NEURL4: variants seen among roughly 807,000 people sequenced by gnomAD.
NEURL4 encodes neuralized E3 ubiquitin protein ligase 4, also known as neuralized-like protein 4.
A neutral mutation model predicts 148.0 loss-of-function variants in NEURL4; 45 were observed. That is an observed-to-expected ratio of 0.30 (90% confidence interval 0.24 to 0.39). NEURL4 has a LOEUF of 0.39. NEURL4 is among the 10% of genes least tolerant of loss of function. NEURL4 has a pLI of 1.00. For missense variants in NEURL4, 1,776 were observed against 2,144.0 expected (o/e 0.83, Z 3.39); for synonymous variants, 854 against 869.0 (o/e 0.98, Z 0.30).
rs1047757971 is a variant in NEURL4 at position 7,319,309 on chromosome 17, TG to T, written c.3526-102del. ...ATACTGCACCTCCCAGAATGTGGCC[TG>T]GGATGCTGCCTTTTCTTATGCTTGG... On this transcript the variant is annotated intron_variant, in intron 21 of 28. Transcript: ENST00000399464. The T allele has an allele frequency of 9.6e-6, 9 of 936,286 alleles. No individual in the cohort carries two copies. The Admixed American group carries it at 1.5e-4, about 15-fold the overall frequency. 58.0% of individuals were successfully genotyped at this position (936,286 alleles called of 1,614,324 possible). A position where few individuals can be genotyped will look rare whatever the true frequency, so the allele number is the denominator to read the frequency against.
At chr17:7,325,550 C>T in intron 7 of NEURL4, 77 bp from the exon 8 acceptor site, 1 of 1,588,830 alleles carries the variant, frequency 6.3e-7, no homozygotes, top group South Asian at 1.1e-5. Flanking sequence ...GGAGGCCAAG[C>T]ACCAAAGAGA....
At position 7,317,634 on chromosome 17, in the gene NEURL4, T is replaced by C; in HGVS notation, c.4206-61A>G. 1.9e-6 allele frequency: 3 copies of C among 1,566,618 alleles called. No homozygotes were observed. The South Asian group carries it at 3.3e-5, about 17-fold the overall frequency. On this transcript the variant is annotated intron_variant, in intron 26 of 28. Coordinates refer to ENST00000399464, the MANE Select transcript of NEURL4 (RefSeq NM_032442.3). Reference sequence around the variant, plus strand: ...GCCACTGACTCCCCAGTGGAGGAGCTTCACGAGGCTCTTCCTTAGACAGGA... The same window carrying C: ...GCCACTGACTCCCCAGTGGAGGAGCCTCACGAGGCTCTTCCTTAGACAGGA...
In NEURL4 at chr17:7,322,663, A is replaced by C; in HGVS notation, c.2725+72T>G. On this transcript the variant is annotated intron_variant, in intron 16 of 28. Coordinates refer to ENST00000399464, the MANE Select transcript of NEURL4 (RefSeq NM_032442.3). This position sits in a 1 kb window ranked among gnomAD's most constrained non-coding sequence, Gnocchi z 5.5. ...CAACCGTCTTTGCAGAACCTCTCTA[A>C]CCTGGAAACCCTACTCCTCAGGTGC... 1 of 1,569,064 alleles carries C rather than the reference A, an allele frequency of 6.4e-7. No individual in the cohort carries two copies. The highest frequency in any genetic ancestry group is 8.6e-7 in the Non-Finnish European group (1 of 1,157,380).
Position 7,318,065 on chromosome 17 carries a change from C to G in NEURL4, c.4060G>C (p.Glu1354Gln). 1.9e-6 allele frequency: 3 copies of G among 1,614,088 alleles called. No individual in the cohort carries two copies. Among genetic ancestry groups the G allele is most frequent in the Non-Finnish European group, 1.7e-6 (2 of 1,179,948 alleles). Reference protein sequence around the residue: ...SRFQELLLLPEDYFMPPPKRS... With the variant: ...SRFQELLLLPQDYFMPPPKRS... ...AGTTCTGGCGGACTGTGGGACTCAC[C>G]GGGAAGCAGCAGGAGTTCTTGGAAG... The change falls in exon 25 of 29, where the codon GAA becomes CAA. Residue 1354 changes from glutamate to glutamine, a missense_variant and splice_region_variant. Transcript: ENST00000399464. This position sits in a 1 kb window ranked among gnomAD's most constrained non-coding sequence, Gnocchi z 4.3.
chr17:7,325,172 C>G, intron 8 of NEURL4, 37 bp downstream of exon 8: 1 of 700,382 alleles, frequency 1.4e-6, no homozygotes, highest in Non-Finnish European at 2.4e-6. Context: ...CCATTAGAAT[C>G]CCTTCTTCAG....
chr17:7,327,546 A>T lies in NEURL4; in HGVS notation c.621T>A (p.Pro207=). Reference sequence around the variant, plus strand: ...GAGTAGGGGGGCTGAAGCCTGGCTCAGGGGGTAGCACGGTGATCTGGGTGC... The same window carrying T: ...GAGTAGGGGGGCTGAAGCCTGGCTCTGGGGGTAGCACGGTGATCTGGGTGC... ...GKCTQITVLP[P]EPGFSPPTPI... Residue 207 remains proline, a synonymous_variant, in exon 2 of 29, where the codon CCT becomes CCA. Transcript: ENST00000399464. This position sits in a 1 kb window ranked among gnomAD's most constrained non-coding sequence, Gnocchi z 6.6. 2 of 1,609,852 alleles carry T rather than the reference A, an allele frequency of 1.2e-6. No homozygotes were observed. The highest frequency in any genetic ancestry group is 1.7e-6 in the Non-Finnish European group (2 of 1,178,620).
chr17:7,328,191 T>G (rs1245389689), intron 1 of NEURL4, among the ~76,000 whole-genome samples: 2 of 152,192 alleles, frequency 1.3e-5, no homozygotes, highest in African/African-American at 4.8e-5. Flanking sequence ...CAAATTCTCC[T>G]ACTTCCTATA....
In NEURL4 at chr17:7,325,575, G is replaced by T. The variant is rs28697947; in HGVS notation, c.1366+66C>A. 4.3e-3 allele frequency: 6,761 copies of T among 1,588,144 alleles called. 255 individuals are homozygous for T. The African/African-American group carries it at 0.08, about 19-fold the overall frequency. On this transcript the variant is annotated intron_variant, in intron 7 of 28. Coordinates refer to ENST00000399464, the MANE Select transcript of NEURL4 (RefSeq NM_032442.3). ...CACCAAAGAGAAGCAGGAGGATGAG[G>T]TACAGCCCCCAGTCCCAGCCCCACC...
Position 7,325,709 on chromosome 17 carries a change from C to G in NEURL4, c.1298G>C (p.Gly433Ala), listed in dbSNP as rs771981407. 1 of 1,613,266 alleles carries G rather than the reference C, an allele frequency of 6.2e-7. No homozygotes were observed. The highest frequency in any genetic ancestry group is 8.5e-7 in the Non-Finnish European group (1 of 1,179,642). ...CEFSLDELQE[G>A]DHIGLTRKSN... ...CTTCCTTGTGAGGCCAATGTGGTCA[C>G]CCTCCTAATCAAAGAAGACAAACAG... Residue 433 changes from glycine to alanine, a missense_variant, in exon 7 of 29, where the codon GGT becomes GCT. Physicochemically the swap from Gly to Ala is moderately conservative, Grantham distance 60. Transcript: ENST00000399464.
rs574755864 is a variant in NEURL4, at chr17:7,325,632, G to A, written c.1366+9C>T. 3.2e-5 allele frequency: 52 copies of A among 1,612,954 alleles called. 1 individual carries two copies. In the South Asian group the frequency reaches 4.5e-4, roughly 14 times the overall value. ...CCCGGCCCAGAGGCTCTCTCTGGGC[G>A]GCCCTTACCCTGATCGATACCATTA... On this transcript the variant is annotated intron_variant, in intron 7 of 28. Coordinates refer to ENST00000399464, the MANE Select transcript of NEURL4 (RefSeq NM_032442.3).
chr17:7,317,684 C>A (rs1240567991), intron 26 of NEURL4, 104 bp downstream of exon 26: 1 of 1,572,600 alleles, frequency 6.4e-7, no homozygotes, highest in Non-Finnish European at 8.7e-7. Flanking sequence ...CCTGGCTTTT[C>A]CTTAGACAGG....
Position 7,320,930 on chromosome 17 carries a change from T to C in NEURL4, c.3361-7A>G. 1 of 1,613,778 alleles carries C rather than the reference T, an allele frequency of 6.2e-7. No individual in the cohort carries two copies. ...TACCCACTTCATTCTGGCCCTGGTG[T>C]GGAGGAAGGGACTGAGCTGCATGGG... On this transcript the variant is annotated splice_region_variant and splice_polypyrimidine_tract_variant and intron_variant, in intron 20 of 28. Coordinates refer to ENST00000399464, the MANE Select transcript of NEURL4 (RefSeq NM_032442.3).
In NEURL4 at chr17:7,315,772, G is replaced by A. The variant is rs1285982803; in HGVS notation, c.*351C>T. On this transcript the variant is annotated 3_prime_UTR_variant, in exon 29 of 29. Transcript: ENST00000399464. ...GCAGCTTCATGTGGGCACAGGGAGA[G>A]ACTCCTCTGGGATTCACAGTAACCA... is the stretch of plus-strand genomic sequence containing the variant. 2.0e-6 allele frequency: 1 copy of A among 492,752 alleles called. No homozygotes were observed. Among genetic ancestry groups the A allele is most frequent in the African/African-American group, 2.0e-5 (1 of 50,518 alleles). 30.5% of individuals were successfully genotyped at this position (492,752 alleles called of 1,614,324 possible).
Position 7,320,726 on chromosome 17 carries a change from G to A in NEURL4, c.3525+33C>T, listed in dbSNP as rs372767128. ...GGTTGGCCATGGGTCACTGTGGAGC[G>A]AGAGAAGCTGGGGATAGGGAGGGAG... On this transcript the variant is annotated intron_variant, in intron 21 of 28. Transcript: ENST00000399464. 2.5e-5 allele frequency: 40 copies of A among 1,595,106 alleles called. No homozygotes were observed. In the African/African-American group the frequency reaches 3.8e-4, roughly 15 times the overall value.
chr17:7,319,710 A>C (rs904178842), intron 21 of NEURL4, among the ~76,000 whole-genome samples: 1 of 57,784 alleles, frequency 1.7e-5, no homozygotes, highest in Non-Finnish European at 5.1e-5. Context: ...CAAAAAAAAC[A>C]AAAAAACAAA....
chr17:7,325,145 G>GGGGGGGGGGGCC, intron 8 of NEURL4, 64 bp downstream of exon 8: 3 of 830,664 alleles, frequency 3.6e-6, no homozygotes, highest in Non-Finnish European at 5.4e-6. Flanking sequence ...CCACTTCCTT[G>GGGGGGGGGGGCC]CCCCGCCCCC....
rs368617813 is a variant in NEURL4 at position 7,322,956 on chromosome 17, G to A, written c.2585C>T (p.Pro862Leu). ...GAAAGCCACATAGTCACCTTTACCC[G>A]GAGGCAGGCCCGAGCAGGCAGCGCC... ...DQGAACSGLP[P>L]GKEVYAVVDL... Residue 862 changes from proline to leucine, a missense_variant, in exon 15 of 29, where the codon CCG becomes CTG. Physicochemically the swap from Pro to Leu is moderately conservative, Grantham distance 98 (BLOSUM62 -3). Coordinates refer to ENST00000399464, the MANE Select transcript of NEURL4 (RefSeq NM_032442.3). This position sits in a 1 kb window ranked among gnomAD's most constrained non-coding sequence, Gnocchi z 5.5. The A allele has an allele frequency of 1.5e-5, 25 of 1,613,400 alleles. No individual in the cohort carries two copies. Among genetic ancestry groups the A allele is most frequent in the Admixed American group, 3.3e-5 (2 of 59,998 alleles).
rs368315488 is a variant in NEURL4, at chr17:7,323,779, G to A, written c.2261+35C>T. Reference sequence around the variant, plus strand: ...TACTTGCATGGCTGAGGCTGGGCAGGAGGAAGGTGGGGACATGAAAGTTGA... The same window carrying A: ...TACTTGCATGGCTGAGGCTGGGCAGAAGGAAGGTGGGGACATGAAAGTTGA... On this transcript the variant is annotated intron_variant, in intron 12 of 28. Coordinates refer to ENST00000399464, the MANE Select transcript of NEURL4 (RefSeq NM_032442.3). The A allele has an allele frequency of 1.3e-5, 21 of 1,613,938 alleles. No homozygotes were observed. The African/African-American group carries it at 1.7e-4, about 13-fold the overall frequency.
rs2072971554 is a variant in NEURL4 at position 7,317,858 on chromosome 17, C to T, written c.4135G>A (p.Ala1379Thr). ...ESCRKLRGDE[A>T]HRRRGEPPRE... ...GGAGGCTCCCCTCTGCGCCTGTGGGCCTCGTCTCCTCGCAGCTTCCGGCAA... is the reference window on the plus strand; with the variant it reads ...GGAGGCTCCCCTCTGCGCCTGTGGGTCTCGTCTCCTCGCAGCTTCCGGCAA... Residue 1379 changes from alanine (A) to threonine (T), a missense_variant, in exon 26 of 29, where the codon GCC becomes ACC. Ala to Thr is a moderately conservative substitution (Grantham distance 58, BLOSUM62 0). Coordinates refer to ENST00000399464, the MANE Select transcript of NEURL4 (RefSeq NM_032442.3). The T allele has an allele frequency of 6.2e-7, 1 of 1,614,024 alleles. No homozygotes were observed. The highest frequency in any genetic ancestry group is 1.3e-5 in the African/African-American group (1 of 74,934).
Sources: gnomAD v4.1 joint callset for allele counts (sites outside exome capture counted in the v4.1 genomes callset) on GRCh38, gnomAD v4.1.1 for gene constraint, Gnocchi (gnomAD v3.1) non-coding constraint, MANE v1.5 for transcripts, NCBI Gene and HGNC (gene_info 2026-07-23, HGNC 2026-07-21) for gene names.